The following KRCC1 variants were observed in gnomAD, a reference collection of about 807,000 sequenced individuals.
KRCC1 encodes lysine rich coiled-coil 1.
In KRCC1, 3 loss-of-function variants were observed where a neutral mutation model predicts 7.4. The ratio of observed to expected loss-of-function variants is 0.40; its 90% CI spans 0.18 to 1.04. The LOEUF (loss-of-function observed/expected upper bound fraction) is 1.04, where lower values mean the gene tolerates loss of function less well. Ranked by LOEUF, KRCC1 falls within the 50% of genes least tolerant of loss-of-function variation. The probability of loss-of-function intolerance (pLI) is 0.33; values close to 1 mark genes in which losing one functional copy is unlikely to be tolerated. For missense variants in KRCC1, 277 were observed against 300.9 expected (o/e 0.92, Z 0.59); for synonymous variants, 102 against 101.6 (o/e 1.00, Z -0.02).
At chr2:88,047,607 C>T (rs989303732) in intron 1 of KRCC1, among the ~76,000 whole-genome samples, 1 of 152,174 alleles carries the variant, frequency 6.6e-6, no homozygotes. Flanking sequence ...TGGCTCACTG[C>T]AGCCTCCGCC....
chr2:88,055,449 GTC>G (rs972696670), intron 1 of KRCC1, among the ~76,000 whole-genome samples, 175 bp downstream of exon 1: 19 of 152,022 alleles, frequency 1.2e-4, no homozygotes, highest in Middle Eastern at 6.8e-3. Context: ...AAGCCCTGGC[GTC>G]TCTTTCCGGG....
Position 88,028,600 on chromosome 2 carries a change from GA to G in KRCC1, c.-22-16del. The G allele has an allele frequency of 8.3e-7, 1 of 1,201,828 alleles. No individual in the cohort carries two copies. The highest frequency in any genetic ancestry group is 1.2e-6 in the Non-Finnish European group (1 of 845,496). 74.4% of individuals were successfully genotyped at this position (1,201,828 alleles called of 1,614,324 possible). A position where few individuals can be genotyped will look rare whatever the true frequency, so the allele number is the denominator to read the frequency against. On this transcript the variant is annotated splice_polypyrimidine_tract_variant and intron_variant, in intron 3 of 3. Transcript: ENST00000347055. ...AACGGGATTTTCTGCAAAAAAGGGA[GA>G]AAATTCTTACCAGATCATCTTGTCC...
At chr2:88,051,631 T>C (rs779747646) in intron 1 of KRCC1, among the ~76,000 whole-genome samples, 4 of 152,180 alleles carry the variant, frequency 2.6e-5, no homozygotes, top group Non-Finnish European at 5.9e-5. Context: ...AAAGTGACAA[T>C]AGGTAATTTT....
intron 1 of KRCC1, among the ~76,000 whole-genome samples, chr2:88,047,615 G>A (rs183877228): frequency 1.3e-5 from 2 of 152,044 alleles, no homozygotes; most frequent in East Asian, 1.9e-4. Flanking sequence ...TGCAGCCTCC[G>A]CCTCCCAGGC....
At chr2:88,032,453 G>A (rs1673013331) in intron 3 of KRCC1, among the ~76,000 whole-genome samples, 1 of 152,096 alleles carries the variant, frequency 6.6e-6, no homozygotes, top group Non-Finnish European at 1.5e-5. Flanking sequence ...TTGTAGCCTA[G>A]GAGCAATAGG....
Position 88,029,561 on chromosome 2 carries a change from G to A in KRCC1, c.-22-976C>T, listed in dbSNP as rs1266021007. The stretch of plus-strand genomic sequence containing the variant: ...CCACTACTTCTGATTGGTGAAAAAA[G>A]CATTCTAGAATGTCTTCTGGTTTGT... On this transcript the variant is annotated intron_variant, in intron 3 of 3. Transcript: ENST00000347055. Among the ~76,000 whole-genome samples the A allele has an allele frequency of 2.6e-5, 4 of 152,080 alleles. No individual in the cohort carries two copies. In the East Asian group the frequency reaches 5.8e-4, roughly 22 times the overall value.
chr2:88,045,639 G>A (rs1673312477), intron 1 of KRCC1, among the ~76,000 whole-genome samples: 1 of 152,120 alleles, frequency 6.6e-6, no homozygotes, highest in Non-Finnish European at 1.5e-5. Flanking sequence ...TTTTGCTTAT[G>A]ATAGTGGTTT....
intron 2 of KRCC1, among the ~76,000 whole-genome samples, chr2:88,036,572 C>A (rs1673094695): frequency 6.6e-6 from 1 of 152,070 alleles, no homozygotes; most frequent in Non-Finnish European, 1.5e-5. Context: ...TATGTTGTAA[C>A]CTTTGATTAA....
chr2:88,036,019 G>T (rs952092658), intron 2 of KRCC1, among the ~76,000 whole-genome samples: 1 of 152,096 alleles, frequency 6.6e-6, no homozygotes, highest in Non-Finnish European at 1.5e-5. Context: ...TCAATCCAAG[G>T]CTAAGACATG....
chr2:88,028,165 T>G lies in KRCC1; in HGVS notation c.399A>C (p.Glu133Asp). The change falls in exon 4 of 4, where the codon GAA (glutamate) becomes GAC (aspartate). Residue 133 changes from glutamate (E) to aspartate (D), a missense_variant. Transcript: ENST00000347055. ...AGGAGAAGTGCTTGTAAACTCTATG[T>G]TCTACACCATGTGAGCCACAAATAT... The part of the protein sequence containing the change: ...QEYICGSHGV[E>D]HRVYKHFSSD... 1 of 1,614,158 alleles carries G rather than the reference T, an allele frequency of 6.2e-7. No individual in the cohort carries two copies. Among genetic ancestry groups the G allele is most frequent in the Non-Finnish European group, 8.5e-7 (1 of 1,180,028 alleles).
chr2:88,049,321 C>G (rs1321422549), intron 1 of KRCC1, among the ~76,000 whole-genome samples: 1 of 152,146 alleles, frequency 6.6e-6, no homozygotes. Flanking sequence ...CAAAGAACAT[C>G]AAACATGCGC....
At chr2:88,039,697 A>G (rs979648236) in intron 1 of KRCC1, among the ~76,000 whole-genome samples, 6 of 151,520 alleles carry the variant, frequency 4.0e-5, no homozygotes, top group African/African-American at 1.5e-4. Context: ...GAAAATATAT[A>G]TATATTATAT....
Position 88,028,201 on chromosome 2 carries a change from A to AT in KRCC1, c.362dup (p.Asn121LysfsTer15). Reference sequence around the variant, plus strand: ...GTGAGCCACAAATATATTCTTGTTGATTAAAGTTCAGGGGTACTGGTTTTT... The same window carrying AT: ...GTGAGCCACAAATATATTCTTGTTGATTTAAAGTTCAGGGGTACTGGTTTTT... On this transcript the variant is annotated frameshift_variant, in exon 4 of 4. Transcript: ENST00000347055. LOFTEE classifies it low-confidence loss of function (END_TRUNC). 1 of 1,614,168 alleles carries AT rather than the reference A, an allele frequency of 6.2e-7. No individual in the cohort carries two copies.
At position 88,028,577 on chromosome 2, in the gene KRCC1, C is replaced by T. The variant is rs199792356; in HGVS notation, c.-14G>A. 32 of 1,581,042 alleles carry T rather than the reference C, an allele frequency of 2.0e-5. No homozygotes were observed. The highest frequency in any genetic ancestry group is 4.5e-5 in the East Asian group (2 of 44,198). On this transcript the variant is annotated 5_prime_UTR_variant, in exon 4 of 4. Coordinates refer to ENST00000347055, the MANE Select transcript of KRCC1 (RefSeq NM_016618.3). ...TGAATGCTTCATTAGGTTGACAAAA[C>T]GGGATTTTCTGCAAAAAAGGGAGAA...
intron 3 of KRCC1, among the ~76,000 whole-genome samples, chr2:88,030,957 G>A (rs1305002143): frequency 6.6e-6 from 1 of 152,142 alleles, no homozygotes; most frequent in African/African-American, 2.4e-5. Context: ...TTGTAGTGAT[G>A]CTGGTATAAA....
intron 1 of KRCC1, among the ~76,000 whole-genome samples, chr2:88,039,000 T>C (rs894987425): frequency 2.0e-5 from 3 of 152,190 alleles, no homozygotes; most frequent in African/African-American, 7.2e-5. Context: ...GTTGAGTCTC[T>C]TGACTGCCTG....
At chr2:88,035,357 A>G (rs1353079646) in intron 2 of KRCC1, among the ~76,000 whole-genome samples, 1 of 152,224 alleles carries the variant, frequency 6.6e-6, no homozygotes, top group Non-Finnish European at 1.5e-5. Flanking sequence ...AATTCTGGTC[A>G]ATAAGAAGAA....
intron 1 of KRCC1, among the ~76,000 whole-genome samples, chr2:88,048,155 T>A (rs75182509): frequency 0.022 from 3,260 of 151,468 alleles, 208 homozygotes; most frequent in East Asian, 0.13. Flanking sequence ...GGATCTCGGC[T>A]CACAGCAACC....
intron 3 of KRCC1, among the ~76,000 whole-genome samples, chr2:88,029,303 CCA>C (rs1239435796): frequency 2.6e-5 from 4 of 152,106 alleles, no homozygotes; most frequent in Non-Finnish European, 5.9e-5. Flanking sequence ...AGTAAAGGAA[CCA>C]CAGATACAGA....
Sources: gnomAD v4.1 joint callset for allele counts (sites outside exome capture counted in the v4.1 genomes callset) on GRCh38, gnomAD v4.1.1 for gene constraint, MANE v1.5 for transcripts, NCBI Gene and HGNC (gene_info 2026-07-23, HGNC 2026-07-21) for gene names.